The following ZNF536 variants were observed in gnomAD, a reference collection of about 807,000 sequenced individuals.
ZNF536 encodes zinc finger protein 536.
In ZNF536, 13 loss-of-function variants were observed where a neutral mutation model predicts 84.5. The observed-to-expected ratio is 0.15, with a 90% CI of 0.10 to 0.24. The LOEUF (loss-of-function observed/expected upper bound fraction) is 0.24. Ranked by LOEUF, ZNF536 falls within the 10% of genes least tolerant of loss-of-function variation. The probability of loss-of-function intolerance (pLI) is 1.00; values close to 1 mark genes in which losing one functional copy is unlikely to be tolerated. For missense variants in ZNF536, 1,536 were observed against 1,747.5 expected, an observed-to-expected ratio of 0.88 and a Z score of 2.16; for synonymous variants, 811 against 742.5, an observed-to-expected ratio of 1.09 and a Z score of -1.50.
intron 1 of ZNF536, among the ~76,000 whole-genome samples, chr19:30,678,570 G>A (rs1010035390): frequency 5.3e-5 from 8 of 152,184 alleles, no homozygotes; most frequent in African/African-American, 1.4e-4. Flanking sequence ...GACATGGTGG[G>A]AACCCAAGAC....
At chr19:30,227,824 AGCCCGAGCGG>A (rs1307071694), upstream of ZNF536, among the ~76,000 whole-genome samples, 3 of 151,568 alleles carry the variant, frequency 2.0e-5, no homozygotes, top group Non-Finnish European at 2.9e-5. Flanking sequence ...GCGGCCGGGC[AGCCCGAGCGG>A]GCCGCCGGGC....
At chr19:30,536,050 C>A (rs917496225) in intron 3 of ZNF536, among the ~76,000 whole-genome samples, 1 of 152,124 alleles carries the variant, frequency 6.6e-6, no homozygotes, top group Non-Finnish European at 1.5e-5. Context: ...GTCACCAGCC[C>A]TGTTCATCCT....
chr19:30,484,685 C>CTTT (rs869242666), intron 2 of ZNF536, among the ~76,000 whole-genome samples: 1 of 120,190 alleles, frequency 8.3e-6, no homozygotes, highest in Non-Finnish European at 1.6e-5. Flanking sequence ...TCTTCTTCTT[C>CTTT]TTTTTTTTTT....
At chr19:30,345,814 C>T (rs754048744) in intron 2 of ZNF536, among the ~76,000 whole-genome samples, 4 of 152,102 alleles carry the variant, frequency 2.6e-5, no homozygotes, top group Non-Finnish European at 4.4e-5. Context: ...GGGACTAGGT[C>T]GGCCTACCTG....
chr19:30,666,201 T>C (rs2050312179), intron 1 of ZNF536, among the ~76,000 whole-genome samples: 1 of 152,232 alleles, frequency 6.6e-6, no homozygotes, highest in African/African-American at 2.4e-5. Flanking sequence ...CAGGAGGTTC[T>C]GAGCTTAGGC....
intron 1 of ZNF536, among the ~76,000 whole-genome samples, chr19:30,594,739 C>T (rs551634583): frequency 2.6e-5 from 4 of 152,130 alleles, no homozygotes; most frequent in African/African-American, 9.6e-5. Context: ...CCCCACTCTT[C>T]TCCTGTTTCC....
At chr19:30,641,311 C>A (rs923595796) in intron 1 of ZNF536, among the ~76,000 whole-genome samples, 5 of 152,174 alleles carry the variant, frequency 3.3e-5, no homozygotes, top group African/African-American at 1.2e-4. Flanking sequence ...AACTCCCAGA[C>A]ATTGCTTACT....
intron 2 of ZNF536, among the ~76,000 whole-genome samples, chr19:30,503,611 G>C (rs1373066449): frequency 2.0e-5 from 3 of 152,234 alleles, no homozygotes; most frequent in Admixed American, 6.5e-5. Context: ...AAGCAAAAAA[G>C]AGAATTTGAG....
intron 1 of ZNF536, among the ~76,000 whole-genome samples, chr19:30,267,886 G>GACAC (rs527610187): frequency 5.0e-4 from 75 of 150,582 alleles, no homozygotes; most frequent in Non-Finnish European, 1.0e-3. Context: ...GTGTGACAGA[G>GACAC]ACACACACAC....
At chr19:30,707,909 T>A (rs1312425761) in intron 1 of ZNF536, among the ~76,000 whole-genome samples, 9 of 148,154 alleles carry the variant, frequency 6.1e-5, no homozygotes, top group African/African-American at 2.0e-4. Context: ...ACTCGGGGAG[T>A]CTAAGGCGGG....
chr19:30,458,593 C>T (rs758437919), intron 2 of ZNF536, among the ~76,000 whole-genome samples: 1 of 151,872 alleles, frequency 6.6e-6, no homozygotes, highest in African/African-American at 2.4e-5. Context: ...GCTGGGATTA[C>T]AGGCATATGC....
chr19:30,508,096 A>G (rs1164435601), intron 2 of ZNF536, among the ~76,000 whole-genome samples: 1 of 152,194 alleles, frequency 6.6e-6, no homozygotes. Context: ...ACTGTGCCCC[A>G]GCAGTCTGGA....
intron 2 of ZNF536, among the ~76,000 whole-genome samples, chr19:30,532,896 C>A (rs910981919): frequency 2.6e-5 from 4 of 152,172 alleles, no homozygotes; most frequent in African/African-American, 9.7e-5. Flanking sequence ...TGTCCATTTG[C>A]CCTGATCAAT....
chr19:30,413,178 A>G (rs1314113217), intron 1 of ZNF536, among the ~76,000 whole-genome samples: 1 of 151,998 alleles, frequency 6.6e-6, no homozygotes, highest in Non-Finnish European at 1.5e-5. Flanking sequence ...GTATTGAATG[A>G]GCCTTTTGGG....
At chr19:30,627,621 T>C (rs1374602613) in intron 1 of ZNF536, among the ~76,000 whole-genome samples, 1 of 152,022 alleles carries the variant, frequency 6.6e-6, no homozygotes, top group African/African-American at 2.4e-5. Flanking sequence ...ATGACACTCT[T>C]AAATTCCCTC....
At chr19:30,652,793 G>A (rs1003965838) in intron 1 of ZNF536, among the ~76,000 whole-genome samples, 5 of 152,262 alleles carry the variant, frequency 3.3e-5, no homozygotes, top group Middle Eastern at 6.8e-3. Context: ...GCATTGTTCC[G>A]GTTGCTTGAC....
chr19:30,254,730 T>A (rs574453375), intron 1 of ZNF536, among the ~76,000 whole-genome samples: 5 of 152,278 alleles, frequency 3.3e-5, no homozygotes, highest in African/African-American at 1.2e-4. Flanking sequence ...CTTTTGTTTG[T>A]GTGGTTTCAC....
In ZNF536 at chr19:30,525,664, A is replaced by C. The variant is rs1200794427; in HGVS notation, c.2171-9183A>C. On this transcript the variant is annotated intron_variant, in intron 2 of 4. Coordinates refer to ENST00000355537, the MANE Select transcript of ZNF536 (RefSeq NM_014717.3). Reference sequence around the variant, plus strand: ...TGGGAGATTTCCTTCCAACAGTGCGATCAGAGACAATCTCTCTCAGAGAGG... The same window carrying C: ...TGGGAGATTTCCTTCCAACAGTGCGCTCAGAGACAATCTCTCTCAGAGAGG... Among the ~76,000 whole-genome samples the C allele has an allele frequency of 5.9e-5, 9 of 152,176 alleles. 1 individual carries two copies.
intron 1 of ZNF536, among the ~76,000 whole-genome samples, chr19:30,442,353 C>T (rs916189847): frequency 2.6e-5 from 4 of 152,176 alleles, no homozygotes; most frequent in Non-Finnish European, 4.4e-5. Context: ...CAGCTTTGAA[C>T]GATAGTGTTT....
Sources: gnomAD v4.1 joint callset for allele counts (sites outside exome capture counted in the v4.1 genomes callset) on GRCh38, gnomAD v4.1.1 for gene constraint, MANE v1.5 for transcripts, NCBI Gene and HGNC (gene_info 2026-07-23, HGNC 2026-07-21) for gene names.